Variants in ANGPT1 observed in about 807,000 individuals in gnomAD.
ANGPT1 encodes angiopoietin-1.
In ANGPT1, 17 loss-of-function variants were observed where a neutral mutation model predicts 62.2. That is an observed-to-expected ratio of 0.27 (90% CI 0.19 to 0.41). The LOEUF (loss-of-function observed/expected upper bound fraction) is 0.41. Ranked by LOEUF, ANGPT1 falls within the 10% of genes least tolerant of loss-of-function variation. The pLI, the probability that ANGPT1 is intolerant of heterozygous loss-of-function variation, is 1.00. For missense variants in ANGPT1, 478 were observed against 594.9 expected (o/e 0.80, Z 2.04); for synonymous variants, 199 against 198.9 (o/e 1.00, Z 0.00).
chr8:107,432,698 G>A (rs2130409369), intron 1 of ANGPT1, among the ~76,000 whole-genome samples: 1 of 151,572 alleles, frequency 6.6e-6, no homozygotes, highest in East Asian at 1.9e-4. Flanking sequence ...ATGAACAGGT[G>A]TTTAACTCAC....
At chr8:107,337,460 A>T (rs1815593892) in intron 2 of ANGPT1, among the ~76,000 whole-genome samples, 1 of 152,160 alleles carries the variant, frequency 6.6e-6, no homozygotes, top group Non-Finnish European at 1.5e-5. Context: ...ATCATTCTCC[A>T]GGCAAAGAAT....
intron 5 of ANGPT1, among the ~76,000 whole-genome samples, chr8:107,302,110 T>C (rs1365455040): frequency 2.6e-5 from 4 of 151,934 alleles, no homozygotes; most frequent in African/African-American, 9.7e-5. Context: ...ACCTACTATG[T>C]GCCAGAAACT....
Position 107,497,355 on chromosome 8 carries a change from C to T in ANGPT1, c.204G>A (p.Gln68=), listed in dbSNP as rs1418184334. 3.1e-6 allele frequency: 5 copies of T among 1,614,188 alleles called. No homozygotes were observed. Among genetic ancestry groups the T allele is most frequent in the Non-Finnish European group, 4.2e-6 (5 of 1,180,030 alleles). The change falls in exon 1 of 9, where the codon CAG becomes CAA. Residue 68 remains glutamine (Q), a synonymous_variant. Transcript: ENST00000517746. The part of the protein sequence containing the change: ...TTDQYNTNAL[Q]RDAPHVEPDF... ...CCGGTTCCACGTGTGGAGCATCTCT[C>T]TGCAGAGCGTTTGTGTTGTACTGGT...
At chr8:107,446,964 T>C (rs1345356054) in intron 1 of ANGPT1, among the ~76,000 whole-genome samples, 1 of 152,228 alleles carries the variant, frequency 6.6e-6, no homozygotes, top group Non-Finnish European at 1.5e-5. Flanking sequence ...GTCTTCCCCA[T>C]CTCAGTTGAT....
chr8:107,332,342 G>A (rs559232900), intron 3 of ANGPT1, among the ~76,000 whole-genome samples: 5 of 152,242 alleles, frequency 3.3e-5, no homozygotes, highest in African/African-American at 1.2e-4. Context: ...AACAAAACCA[G>A]GTTTTAAGTT....
intron 4 of ANGPT1, among the ~76,000 whole-genome samples, chr8:107,310,596 A>AAT (rs1453925134): frequency 6.6e-6 from 1 of 152,170 alleles, no homozygotes; most frequent in Non-Finnish European, 1.5e-5. Context: ...AAGAACAAAG[A>AAT]ATATGTTGAC....
At chr8:107,442,908 C>T (rs1458658631) in intron 1 of ANGPT1, among the ~76,000 whole-genome samples, 1 of 152,142 alleles carries the variant, frequency 6.6e-6, no homozygotes, top group Non-Finnish European at 1.5e-5. Context: ...TTCAGCTGCA[C>T]TTATATTTTT....
At chr8:107,443,701 T>A (rs1235407271) in intron 1 of ANGPT1, among the ~76,000 whole-genome samples, 1 of 150,964 alleles carries the variant, frequency 6.6e-6, no homozygotes, top group Non-Finnish European at 1.5e-5. Context: ...TGGCTGTAAT[T>A]CCAGCTATTC....
intron 1 of ANGPT1, among the ~76,000 whole-genome samples, chr8:107,479,308 C>T (rs1000742328): frequency 1.3e-5 from 2 of 152,054 alleles, no homozygotes; most frequent in African/African-American, 4.8e-5. Flanking sequence ...GAATGATTCC[C>T]AGAAATTGGA....
chr8:107,405,252 C>T lies in ANGPT1; in HGVS notation c.298-58155G>A, dbSNP rs1238418231. ...TGATGTAGCTTTATTATATGTAGAGCTATATAGGAGGTATTTGTTTATAAA... is the reference window on the plus strand; with the variant it reads ...TGATGTAGCTTTATTATATGTAGAGTTATATAGGAGGTATTTGTTTATAAA... On this transcript the variant is annotated intron_variant, in intron 1 of 8. Coordinates refer to ENST00000517746, the MANE Select transcript of ANGPT1 (RefSeq NM_001146.5). Among the ~76,000 whole-genome samples the T allele has an allele frequency of 3.3e-5, 5 of 151,706 alleles. No individual in the cohort carries two copies. The East Asian group carries it at 9.7e-4, about 29-fold the overall frequency.
At position 107,347,029 on chromosome 8, in the gene ANGPT1, G is replaced by T; in HGVS notation, c.366C>A (p.Asn122Lys). ...MAQIQQNAVQNHTATMLEIGT... is the reference protein window; with the variant it reads ...MAQIQQNAVQKHTATMLEIGT... The stretch of plus-strand genomic sequence containing the variant: ...CTATCTCCAGCATGGTAGCCGTGTG[G>T]TTCTGAACTGCATTCTGCTGTATCT... Residue 122 changes from asparagine (N) to lysine (K), a missense_variant, in exon 2 of 9, where the codon AAC (asparagine) becomes AAA (lysine). Asn to Lys is a moderately conservative substitution (Grantham distance 94). This residue lies in a region of ANGPT1 where 343 missense variants were observed against 355.4 expected (regional missense o/e 0.97). Coordinates refer to ENST00000517746, the MANE Select transcript of ANGPT1 (RefSeq NM_001146.5). The T allele has an allele frequency of 6.2e-7, 1 of 1,613,900 alleles. No homozygotes were observed. Among genetic ancestry groups the T allele is most frequent in the Middle Eastern group, 1.7e-4 (1 of 6,060 alleles).
At chr8:107,409,256 T>G (rs1027148766) in intron 1 of ANGPT1, among the ~76,000 whole-genome samples, 1 of 152,216 alleles carries the variant, frequency 6.6e-6, no homozygotes, top group African/African-American at 2.4e-5. Context: ...TTCTGTCATC[T>G]CTGATTAATA....
At chr8:107,436,202 G>A (rs1254945129) in intron 1 of ANGPT1, among the ~76,000 whole-genome samples, 1 of 152,170 alleles carries the variant, frequency 6.6e-6, no homozygotes, top group Non-Finnish European at 1.5e-5. Context: ...CACAGTGCCT[G>A]GCCAATACTC....
intron 5 of ANGPT1, among the ~76,000 whole-genome samples, chr8:107,299,626 T>G (rs1814516123): frequency 7.2e-6 from 1 of 139,236 alleles, no homozygotes; most frequent in African/African-American, 2.6e-5. Context: ...TATCTATATA[T>G]AGATCTCTAT....
intron 6 of ANGPT1, among the ~76,000 whole-genome samples, chr8:107,291,698 AC>A (rs2130170038): frequency 6.6e-6 from 1 of 152,228 alleles, no homozygotes; most frequent in South Asian, 2.1e-4. Context: ...GGCTTGAGCT[AC>A]CGTGCCTGGC....
intron 2 of ANGPT1, among the ~76,000 whole-genome samples, chr8:107,338,223 A>G (rs1418452426): frequency 6.6e-6 from 1 of 152,226 alleles, no homozygotes; most frequent in Non-Finnish European, 1.5e-5. Flanking sequence ...GAGGTGAGAG[A>G]GGCAAATGCC....
intron 1 of ANGPT1, among the ~76,000 whole-genome samples, chr8:107,415,203 G>C (rs2130364844): frequency 6.6e-6 from 1 of 152,244 alleles, no homozygotes; most frequent in East Asian, 1.9e-4. Flanking sequence ...TAAAGTATTT[G>C]TGAACATGGC....
intron 1 of ANGPT1, among the ~76,000 whole-genome samples, chr8:107,406,073 ATC>A (rs1817142278): frequency 6.6e-6 from 1 of 151,900 alleles, no homozygotes; most frequent in African/African-American, 2.4e-5. Flanking sequence ...ATAGTTTTTA[ATC>A]TTTTTCATTA....
At position 107,249,801 on chromosome 8, in the gene ANGPT1, G is replaced by A. The variant is rs969485135; in HGVS notation, c.*2054C>T. On this transcript the variant is annotated 3_prime_UTR_variant, in exon 9 of 9. Coordinates refer to ENST00000517746, the MANE Select transcript of ANGPT1 (RefSeq NM_001146.5). The stretch of plus-strand genomic sequence containing the variant: ...ATTTTATTTTGTTTTTGTAATATGA[G>A]TTTGGAAATAGTATTCTTTATCCAA... 5 of 152,034 alleles carry A rather than the reference G, an allele frequency of 3.3e-5. No homozygotes were observed. The highest frequency in any genetic ancestry group is 9.7e-5 in the African/African-American group (4 of 41,374). The allele number at this position is 152,034 out of a possible 1,614,324, so 9.4% of individuals were successfully genotyped here. A position where few individuals can be genotyped will look rare whatever the true frequency, so the allele number is the denominator to read the frequency against.
Sources: gnomAD v4.1 joint callset for allele counts (sites outside exome capture counted in the v4.1 genomes callset) on GRCh38, gnomAD v4.1.1 for gene constraint, gnomAD v4.1.1 regional missense constraint, MANE v1.5 for transcripts, NCBI Gene and HGNC (gene_info 2026-07-23, HGNC 2026-07-21) for gene names.